The following EYA2 variants were observed in gnomAD, a reference collection of about 807,000 sequenced individuals.
EYA2 encodes protein phosphatase EYA2.
Under a neutral mutation model 69.2 loss-of-function variants are expected in EYA2, and 31 were observed. The ratio of observed to expected loss-of-function variants is 0.45; its 90% CI spans 0.34 to 0.60. EYA2 has a LOEUF of 0.60. Among genes scored for constraint, EYA2 ranks in the 20% least tolerant of loss-of-function variants. EYA2 has a pLI of 0.02. For synonymous variants in EYA2, 257 were observed against 279.4 expected, an observed-to-expected ratio of 0.92 and a Z score of 0.80; for missense variants, 622 against 701.2, an observed-to-expected ratio of 0.89 and a Z score of 1.28.
intron 9 of EYA2, among the ~76,000 whole-genome samples, chr20:47,141,514 G>A (rs1336754618): frequency 6.6e-6 from 1 of 152,210 alleles, no homozygotes; most frequent in African/African-American, 2.4e-5. Context: ...TATTTTCCAT[G>A]TGTATCGGTT....
At chr20:47,005,475 C>G (rs1432286478) in intron 4 of EYA2, among the ~76,000 whole-genome samples, 1 of 152,188 alleles carries the variant, frequency 6.6e-6, no homozygotes, top group African/African-American at 2.4e-5. Context: ...AAAGATGGTG[C>G]CTGTCCACTC....
At chr20:46,932,610 C>T (rs189006219) in intron 1 of EYA2, among the ~76,000 whole-genome samples, 6 of 152,110 alleles carry the variant, frequency 3.9e-5, no homozygotes, top group Non-Finnish European at 8.8e-5. Flanking sequence ...TGGCCAGGTG[C>T]GGTGGCTCAA....
intron 1 of EYA2, among the ~76,000 whole-genome samples, chr20:46,930,442 T>G (rs1985617852): frequency 6.6e-6 from 1 of 152,124 alleles, no homozygotes; most frequent in Non-Finnish European, 1.5e-5. Context: ...ATTTCAGGTT[T>G]TTTTGACGTG....
In EYA2 at chr20:46,933,436, G is replaced by T. The variant is rs993797966; in HGVS notation, c.-11+38449G>T. On this transcript the variant is annotated intron_variant, in intron 1 of 15. Transcript: ENST00000327619. ...CCCATAAGGAGACAACACTCCAGAT[G>T]GATGTAGGTGGGTTCTTACTTCACA... is the stretch of plus-strand genomic sequence containing the variant. 2.0e-5 allele frequency among the ~76,000 whole-genome samples: 3 copies of T among 152,174 alleles called. No individual in the cohort carries two copies. In the South Asian group the frequency reaches 6.2e-4, roughly 31 times the overall value.
chr20:47,043,310 AG>A (rs1256429288), intron 5 of EYA2, among the ~76,000 whole-genome samples: 1 of 152,218 alleles, frequency 6.6e-6, no homozygotes, highest in Non-Finnish European at 1.5e-5. Context: ...AGGCACAGGC[AG>A]GGGACCCACG....
intron 11 of EYA2, among the ~76,000 whole-genome samples, chr20:47,170,736 A>G (rs1485180143): frequency 6.6e-6 from 1 of 152,126 alleles, no homozygotes; most frequent in Non-Finnish European, 1.5e-5. Flanking sequence ...TAAAAATGGA[A>G]CCATAGTTAA....
At chr20:47,173,992 T>C (rs1020649893) in intron 12 of EYA2, among the ~76,000 whole-genome samples, 1 of 152,212 alleles carries the variant, frequency 6.6e-6, no homozygotes, top group Non-Finnish European at 1.5e-5. Flanking sequence ...CTGAAGGCAC[T>C]GAAGGCGAGG....
At chr20:47,143,439 T>C (rs2033638249) in intron 10 of EYA2, among the ~76,000 whole-genome samples, 1 of 152,192 alleles carries the variant, frequency 6.6e-6, no homozygotes, top group Non-Finnish European at 1.5e-5. Flanking sequence ...AATCCAATAA[T>C]GGCTATGTAG....
intron 9 of EYA2, among the ~76,000 whole-genome samples, chr20:47,098,752 GC>G (rs1014923470): frequency 2.6e-5 from 4 of 152,270 alleles, no homozygotes; most frequent in South Asian, 2.1e-4. Flanking sequence ...GCCCACTGCA[GC>G]CCCCTACATT....
intron 1 of EYA2, among the ~76,000 whole-genome samples, chr20:46,964,207 T>G (rs1255170873): frequency 6.6e-6 from 1 of 152,248 alleles, no homozygotes; most frequent in Non-Finnish European, 1.5e-5. Context: ...AGCCACTGTT[T>G]TTAGTCCCTG....
At chr20:46,906,760 G>A (rs1984377154) in intron 1 of EYA2, among the ~76,000 whole-genome samples, 1 of 152,174 alleles carries the variant, frequency 6.6e-6, no homozygotes, top group South Asian at 2.1e-4. Context: ...GTATGTGGGA[G>A]TATGGTTCTA....
intron 4 of EYA2, 145 bp from the exon 5 acceptor site, chr20:47,016,036 G>A: frequency 1.5e-6 from 1 of 685,050 alleles, no homozygotes; most frequent in Non-Finnish European, 2.7e-6. Flanking sequence ...GCTCACTTTG[G>A]CTGACAAGCC....
chr20:47,095,096 T>C (rs922258377), intron 8 of EYA2, among the ~76,000 whole-genome samples: 1 of 152,026 alleles, frequency 6.6e-6, no homozygotes, highest in African/African-American at 2.4e-5. Context: ...TTAAGAAACA[T>C]AAAATAACTT....
chr20:46,905,545 CA>C (rs1194379882), intron 1 of EYA2, among the ~76,000 whole-genome samples: 13 of 152,194 alleles, frequency 8.5e-5, no homozygotes, highest in Admixed American at 2.0e-4. Flanking sequence ...AAGTGGGTTG[CA>C]AAATCCTTTT....
At chr20:47,101,829 G>A (rs536270827) in intron 9 of EYA2, among the ~76,000 whole-genome samples, 57 of 152,320 alleles carry the variant, frequency 3.7e-4, no homozygotes, top group African/African-American at 1.3e-3. Flanking sequence ...ACTGAGATGA[G>A]ACCTACAGAA....
At chr20:46,914,744 C>T (rs568958027) in intron 1 of EYA2, among the ~76,000 whole-genome samples, 20 of 152,250 alleles carry the variant, frequency 1.3e-4, no homozygotes, top group African/African-American at 4.1e-4. Context: ...TGGGTGGGGA[C>T]GCAGCCAAAC....
At chr20:47,041,272 A>G (rs543515441) in intron 5 of EYA2, among the ~76,000 whole-genome samples, 4 of 152,272 alleles carry the variant, frequency 2.6e-5, no homozygotes, top group South Asian at 4.1e-4. Flanking sequence ...CTCCCTCCCC[A>G]TGCTCTTTCC....
chr20:47,100,075 T>C (rs2032382153), intron 9 of EYA2, among the ~76,000 whole-genome samples: 1 of 152,180 alleles, frequency 6.6e-6, no homozygotes, highest in Non-Finnish European at 1.5e-5. Context: ...CATGGAACAG[T>C]GTCTCCCACT....
chr20:47,070,642 T>G (rs2031280102), intron 5 of EYA2, among the ~76,000 whole-genome samples: 1 of 152,236 alleles, frequency 6.6e-6, no homozygotes, highest in South Asian at 2.1e-4. Context: ...GTTGTACATC[T>G]ATGCCATTGT....
Sources: gnomAD v4.1 joint callset for allele counts (sites outside exome capture counted in the v4.1 genomes callset) on GRCh38, gnomAD v4.1.1 for gene constraint, MANE v1.5 for transcripts, NCBI Gene and HGNC (gene_info 2026-07-23, HGNC 2026-07-21) for gene names.